PHF21B: variants seen among roughly 807,000 people sequenced by gnomAD.
The protein encoded by PHF21B is PHD finger protein 21B.
In PHF21B, 22 loss-of-function variants were observed where a neutral mutation model predicts 62.2. That is an observed-to-expected ratio of 0.35 (90% confidence interval 0.25 to 0.51). PHF21B has a LOEUF of 0.51. Ranked by LOEUF, PHF21B falls within the 20% of genes least tolerant of loss-of-function variation. The pLI, the probability that PHF21B is intolerant of heterozygous loss-of-function variation, is 0.97. For synonymous variants in PHF21B, 341 were observed against 314.7 expected (o/e 1.08, Z -0.88); for missense variants, 701 against 707.9 (o/e 0.99, Z 0.11).
chr22:44,935,415 C>A (rs2071825646), intron 2 of PHF21B, among the ~76,000 whole-genome samples: 1 of 152,036 alleles, frequency 6.6e-6, no homozygotes, highest in African/African-American at 2.4e-5. Flanking sequence ...GAGATCGAGA[C>A]CATCCTGGCT....
chr22:44,897,349 G>T (rs1267145553), intron 5 of PHF21B, among the ~76,000 whole-genome samples: 4 of 152,128 alleles, frequency 2.6e-5, no homozygotes, highest in Non-Finnish European at 5.9e-5. Flanking sequence ...AGTGTGGGCA[G>T]GATTGAAAAT....
Position 44,891,311 on chromosome 22 carries a change from G to C in PHF21B, c.1010C>G (p.Ala337Gly). ...NYLNNPLFLT[A>G]RANEDPCWKN... Reference sequence around the variant, plus strand: ...GGCCTGAAGCCGGTGCTTACCTCTCGCTGTGAGGAACAGGGGGTTGTTGAG... The same window carrying C: ...GGCCTGAAGCCGGTGCTTACCTCTCCCTGTGAGGAACAGGGGGTTGTTGAG... The change falls in exon 8 of 13, where the codon GCG becomes GGG. Residue 337 changes from alanine (A) to glycine (G), a missense_variant. Physicochemically the swap from Ala to Gly is moderately conservative, Grantham distance 60 (BLOSUM62 0). Transcript: ENST00000313237. The C allele has an allele frequency of 1.2e-6, 2 of 1,613,932 alleles. No individual in the cohort carries two copies. Among genetic ancestry groups the C allele is most frequent in the Non-Finnish European group, 1.7e-6 (2 of 1,179,990 alleles).
chr22:44,895,373 C>A (rs1375507710), intron 6 of PHF21B, among the ~76,000 whole-genome samples: 2 of 152,180 alleles, frequency 1.3e-5, no homozygotes, highest in African/African-American at 4.8e-5. Context: ...TGTGAAGCTG[C>A]CCTCATCCGT....
At chr22:44,998,106 TAGTA>T (rs966942008) in intron 2 of PHF21B, among the ~76,000 whole-genome samples, 4 of 152,200 alleles carry the variant, frequency 2.6e-5, no homozygotes, top group Admixed American at 6.5e-5. Flanking sequence ...CAATCTGATT[TAGTA>T]AGTTTCATCG....
chr22:45,005,333 A>C (rs1477888176), intron 2 of PHF21B, among the ~76,000 whole-genome samples: 1 of 151,958 alleles, frequency 6.6e-6, no homozygotes, highest in Non-Finnish European at 1.5e-5. Context: ...GCCACAACTC[A>C]TCAGCTCTGA....
intron 2 of PHF21B, among the ~76,000 whole-genome samples, chr22:44,983,467 G>A (rs1237178975): frequency 1.3e-5 from 2 of 152,274 alleles, no homozygotes; most frequent in South Asian, 4.1e-4. Flanking sequence ...CAAAGGCCCT[G>A]AGGAAACCGG....
chr22:44,933,716 A>G (rs185935136), intron 2 of PHF21B, among the ~76,000 whole-genome samples: 11 of 148,458 alleles, frequency 7.4e-5, no homozygotes, highest in Admixed American at 1.3e-4. Flanking sequence ...TCGTGCAGAT[A>G]AGAGAGAGAG....
chr22:44,999,253 C>A (rs1267201912), intron 2 of PHF21B, among the ~76,000 whole-genome samples: 3 of 152,130 alleles, frequency 2.0e-5, no homozygotes, highest in Admixed American at 2.0e-4. Context: ...AGAACAGAGA[C>A]CATTTCAAAA....
intron 2 of PHF21B, among the ~76,000 whole-genome samples, chr22:44,953,433 C>G (rs958183593): frequency 6.6e-6 from 1 of 152,178 alleles, no homozygotes; most frequent in African/African-American, 2.4e-5. Context: ...GTGGTGTGAT[C>G]ACCGCTAATT....
At chr22:44,951,398 C>T (rs899452643) in intron 2 of PHF21B, among the ~76,000 whole-genome samples, 8 of 152,152 alleles carry the variant, frequency 5.3e-5, no homozygotes, top group South Asian at 2.1e-4. Context: ...CAATGGGGAG[C>T]GGCTGTAAAT....
At chr22:44,958,686 A>G (rs946984455) in intron 2 of PHF21B, among the ~76,000 whole-genome samples, 4 of 137,678 alleles carry the variant, frequency 2.9e-5, no homozygotes, top group African/African-American at 1.1e-4. Flanking sequence ...GCTCACAGCA[A>G]CCTCCGCCTC....
chr22:44,913,818 C>A lies in PHF21B; in HGVS notation c.831+4G>T. On this transcript the variant is annotated splice_donor_region_variant and intron_variant, in intron 5 of 12. Transcript: ENST00000313237. ...CCTGGGCCCTCCGGAGAGGCCTGTC[C>A]TACCTCGGGGTTCTCCTGGGTCGGG... 2 of 1,611,928 alleles carry A rather than the reference C, an allele frequency of 1.2e-6. No individual in the cohort carries two copies. The highest frequency in any genetic ancestry group is 1.7e-6 in the Non-Finnish European group (2 of 1,179,266).
At chr22:44,887,271 C>T (rs914188644) in intron 10 of PHF21B, among the ~76,000 whole-genome samples, 2 of 152,148 alleles carry the variant, frequency 1.3e-5, no homozygotes, top group African/African-American at 4.8e-5. Context: ...CCACCCACCA[C>T]ACTCAGGGGC....
intron 12 of PHF21B, among the ~76,000 whole-genome samples, chr22:44,884,962 G>T (rs1189499343): frequency 6.6e-6 from 1 of 152,248 alleles, no homozygotes; most frequent in Non-Finnish European, 1.5e-5. Flanking sequence ...GAGGAATTAC[G>T]TTCACTTTAC....
chr22:44,895,511 G>A (rs1423233740), intron 6 of PHF21B, among the ~76,000 whole-genome samples: 3 of 152,192 alleles, frequency 2.0e-5, no homozygotes, highest in African/African-American at 7.2e-5. Flanking sequence ...CAGGGGAGCT[G>A]GTGGTCAGCT....
At chr22:44,922,476 T>C (rs1325531935) in intron 2 of PHF21B, among the ~76,000 whole-genome samples, 1 of 151,970 alleles carries the variant, frequency 6.6e-6, no homozygotes, top group Non-Finnish European at 1.5e-5. Context: ...CTACTAAAAA[T>C]ACAAAATTAG....
At chr22:44,974,147 C>G (rs1245367287) in intron 2 of PHF21B, among the ~76,000 whole-genome samples, 2 of 152,148 alleles carry the variant, frequency 1.3e-5, no homozygotes, top group Non-Finnish European at 2.9e-5. Context: ...GGTGCGGTGG[C>G]TCACGTCTGT....
chr22:44,945,302 G>GACCT (rs1206954428), intron 2 of PHF21B, among the ~76,000 whole-genome samples: 1 of 152,194 alleles, frequency 6.6e-6, no homozygotes, highest in Non-Finnish European at 1.5e-5. Context: ...GCAGGGGTCT[G>GACCT]ACCCAGGCTC....
At chr22:44,889,712 A>C (rs2070926739) in intron 9 of PHF21B, 48 bp downstream of exon 9, 1 of 1,577,216 alleles carries the variant, frequency 6.3e-7, no homozygotes, top group Non-Finnish European at 8.6e-7. Flanking sequence ...CTGTACTGAA[A>C]ACATTCTCCA....
Sources: gnomAD v4.1 joint callset for allele counts (sites outside exome capture counted in the v4.1 genomes callset) on GRCh38, gnomAD v4.1.1 for gene constraint, MANE v1.5 for transcripts, NCBI Gene and HGNC (gene_info 2026-07-23, HGNC 2026-07-21) for gene names.